Variants in CPN2 observed in about 807,000 individuals in gnomAD.
CPN2 encodes the protein carboxypeptidase N 83 kDa chain.
For missense variants in CPN2, 620 were observed against 671.4 expected (o/e 0.92, Z 0.85); for synonymous variants, 336 against 318.4 (o/e 1.06, Z -0.59).
intron 1 of CPN2, among the ~76,000 whole-genome samples, chr3:194,344,582 C>T (rs1347480028): frequency 6.6e-6 from 1 of 152,200 alleles, no homozygotes. Flanking sequence ...GTAATCCCAG[C>T]TACTCGGGAG....
At chr3:194,344,481 G>T (rs1712979117) in intron 1 of CPN2, among the ~76,000 whole-genome samples, 1 of 152,176 alleles carries the variant, frequency 6.6e-6, no homozygotes, top group South Asian at 2.1e-4. Context: ...TGGATCCTGA[G>T]GTCAGGAGTT....
Position 194,339,789 on chromosome 3 carries a change from T to C in CPN2, c.*1276A>G, listed in dbSNP as rs1712726345. The C allele has an allele frequency of 6.6e-6, 1 of 152,274 alleles. No individual in the cohort carries two copies. The highest frequency in any genetic ancestry group is 1.5e-5 in the Non-Finnish European group (1 of 68,056). 9.4% of individuals were successfully genotyped at this position (152,274 alleles called of 1,614,324 possible). ...GTAAAATATTTGAAGAGATTTATTC[T>C]GAGCCAAATATGAGTGGCCATGGCC... On this transcript the variant is annotated 3_prime_UTR_variant, in exon 2 of 2. Coordinates refer to ENST00000323830, the MANE Select transcript of CPN2 (RefSeq NM_001080513.4).
rs1348222200 is a variant in CPN2, at chr3:194,341,782, G to A, written c.921C>T (p.Gly307=). The change falls in exon 2 of 2, where the codon GGC becomes GGT. Residue 307 remains glycine, a synonymous_variant. Coordinates refer to ENST00000323830, the MANE Select transcript of CPN2 (RefSeq NM_001080513.4). The part of the protein sequence containing the change: ...THNQLETVAE[G]TFAHLSNLRS... ...GCAGGTTGGACAGGTGGGCAAAGGTGCCCTCAGCGACAGTCTCCAGCTGGT... is the reference window on the plus strand; with the variant it reads ...GCAGGTTGGACAGGTGGGCAAAGGTACCCTCAGCGACAGTCTCCAGCTGGT... 1.9e-6 allele frequency: 3 copies of A among 1,614,040 alleles called. No individual in the cohort carries two copies. Among genetic ancestry groups the A allele is most frequent in the South Asian group, 1.1e-5 (1 of 91,066 alleles).
Position 194,342,229 on chromosome 3 carries a change from C to T in CPN2, c.474G>A (p.Gln158=), listed in dbSNP as rs199551996. The T allele has an allele frequency of 1.3e-5, 21 of 1,613,982 alleles. No homozygotes were observed. In the East Asian group the frequency reaches 2.0e-4, roughly 15 times the overall value. Residue 158 remains glutamine (Q), a synonymous_variant, in exon 2 of 2, where the codon CAG becomes CAA. Transcript: ENST00000323830. Reference sequence around the variant, plus strand: ...GCTGGAAGAGCCTCCTGGGCAGGGCCTGGAGCTGGTTCCCCTGCAGGTGGA... The same window carrying T: ...GCTGGAAGAGCCTCCTGGGCAGGGCTTGGAGCTGGTTCCCCTGCAGGTGGA... ...ESLHLQGNQL[Q]ALPRRLFQPL...
rs1321983807 is a variant in CPN2, at chr3:194,340,049, G to A, written c.*1016C>T. ...TGGTTGAGCTTAGCTGAAGACCTGG[G>A]ATCAATGGAAAGGAATGTTCAGGTT... On this transcript the variant is annotated 3_prime_UTR_variant, in exon 2 of 2. Transcript: ENST00000323830. The A allele has an allele frequency of 2.0e-5, 3 of 152,218 alleles. No individual in the cohort carries two copies. The highest frequency in any genetic ancestry group is 2.9e-5 in the Non-Finnish European group (2 of 68,046). 9.4% of individuals were successfully genotyped at this position (152,218 alleles called of 1,614,324 possible). A position where few individuals can be genotyped will look rare whatever the true frequency, so the allele number is the denominator to read the frequency against.
chr3:194,351,045 C>G (rs1305942448), intron 1 of CPN2, among the ~76,000 whole-genome samples, 197 bp downstream of exon 1: 3 of 152,212 alleles, frequency 2.0e-5, no homozygotes, highest in Non-Finnish European at 2.9e-5. Context: ...AACCCCCGCC[C>G]CACCTTCCTC....
intron 1 of CPN2, among the ~76,000 whole-genome samples, chr3:194,348,653 G>T (rs928037813): frequency 6.6e-6 from 1 of 152,150 alleles, no homozygotes; most frequent in Admixed American, 6.6e-5. Flanking sequence ...CACTTTGGGC[G>T]GCAGAGGCAG....
chr3:194,344,037 C>A (rs757610436), intron 1 of CPN2, among the ~76,000 whole-genome samples: 1 of 152,148 alleles, frequency 6.6e-6, no homozygotes, highest in Non-Finnish European at 1.5e-5. Flanking sequence ...AAAAGGGGTC[C>A]GCGAATCGGG....
In CPN2 at chr3:194,341,408, C is replaced by T. The variant is rs780216927; in HGVS notation, c.1295G>A (p.Gly432Asp). 1 of 1,614,148 alleles carries T rather than the reference C, an allele frequency of 6.2e-7. No homozygotes were observed. The highest frequency in any genetic ancestry group is 8.5e-7 in the Non-Finnish European group (1 of 1,180,046). ...CTCATTCAAGGCGGGCACCACCTGGCCTTTGAGGTAGGCAGGGCCAGCGCA... is the reference window on the plus strand; with the variant it reads ...CTCATTCAAGGCGGGCACCACCTGGTCTTTGAGGTAGGCAGGGCCAGCGCA... Reference protein sequence around the residue: ...TYCAGPAYLKGQVVPALNEKQ... With the variant: ...TYCAGPAYLKDQVVPALNEKQ... Residue 432 changes from glycine to aspartate, a missense_variant, in exon 2 of 2, where the codon GGC becomes GAC. Gly to Asp is a moderately conservative substitution (Grantham distance 94, BLOSUM62 -1). Transcript: ENST00000323830.
chr3:194,350,643 A>C (rs1713233157), intron 1 of CPN2, among the ~76,000 whole-genome samples: 2 of 152,156 alleles, frequency 1.3e-5, no homozygotes, highest in South Asian at 2.1e-4. Context: ...ATTTCACCAC[A>C]AACTTTATTA....
chr3:194,348,385 G>T (rs1000653432), intron 1 of CPN2, among the ~76,000 whole-genome samples: 1 of 151,612 alleles, frequency 6.6e-6, no homozygotes, highest in African/African-American at 2.4e-5. Context: ...CAGAGTCCCA[G>T]TCTGCGACTG....
chr3:194,350,713 G>A (rs139067809), intron 1 of CPN2, among the ~76,000 whole-genome samples: 1 of 152,118 alleles, frequency 6.6e-6, no homozygotes, highest in Non-Finnish European at 1.5e-5. Context: ...GGCCTGAGCT[G>A]GGTGCTGTGG....
rs377176546 is a variant in CPN2, at chr3:194,342,560, G to T, written c.143C>A (p.Pro48Gln). The change falls in exon 2 of 2, where the codon CCG becomes CAG. Residue 48 changes from proline (P) to glutamine (Q), a missense_variant. By Grantham distance (76) the Pro-to-Gln change is moderately conservative (BLOSUM62 -1). Coordinates refer to ENST00000323830, the MANE Select transcript of CPN2 (RefSeq NM_001080513.4). ...EELATVPLDIPPYTKNIIFVE... is the reference protein window; with the variant it reads ...EELATVPLDIQPYTKNIIFVE... The stretch of plus-strand genomic sequence containing the variant: ...AAAGATGATGTTTTTCGTATATGGC[G>T]GGATGTCCAGTGGGACGGTGGCAAG... 6.2e-7 allele frequency: 1 copy of T among 1,614,154 alleles called. No homozygotes were observed. Among genetic ancestry groups the T allele is most frequent in the Non-Finnish European group, 8.5e-7 (1 of 1,180,016 alleles).
In CPN2 at chr3:194,341,187, G is replaced by A. The variant is rs1406019927; in HGVS notation, c.1516C>T (p.Leu506Phe). 1.2e-6 allele frequency: 2 copies of A among 1,613,486 alleles called. No individual in the cohort carries two copies. Among genetic ancestry groups the A allele is most frequent in the Admixed American group, 1.7e-5 (1 of 60,018 alleles). The change falls in exon 2 of 2, where the codon CTC becomes TTC. Residue 506 changes from leucine (L) to phenylalanine (F), a missense_variant. By Grantham distance (22) the Leu-to-Phe change is conservative (BLOSUM62 0). Coordinates refer to ENST00000323830, the MANE Select transcript of CPN2 (RefSeq NM_001080513.4). ...CCCAGGGAGCCCTGCTGAGGAGAGA[G>A]CTGGACGTTCAGCCAGCGACACTGG... ...QAQCRWLNVQLSPQQGSLGLQ... is the reference protein window; with the variant it reads ...QAQCRWLNVQFSPQQGSLGLQ...
In CPN2 at chr3:194,341,366, G is replaced by A. The variant is rs1343640766; in HGVS notation, c.1337C>T (p.Pro446Leu). The change falls in exon 2 of 2, where the codon CCC (proline) becomes CTC (leucine). Residue 446 changes from proline (P) to leucine (L), a missense_variant. Transcript: ENST00000323830. ...PALNEKQLVC[P>L]VTRDHLGFQV... is the part of the protein sequence containing the mutation. The stretch of plus-strand genomic sequence containing the variant: ...GAAGCCCAAGTGGTCCCGGGTGACG[G>A]GACACACCAGCTGCTTCTCATTCAA... The A allele has an allele frequency of 5.6e-6, 9 of 1,613,942 alleles. No homozygotes were observed. The highest frequency in any genetic ancestry group is 7.6e-6 in the Non-Finnish European group (9 of 1,180,054).
chr3:194,340,143 G>A lies in CPN2; in HGVS notation c.*922C>T, dbSNP rs1488570193. 6.6e-6 allele frequency: 1 copy of A among 152,192 alleles called. No individual in the cohort carries two copies. The highest frequency in any genetic ancestry group is 1.5e-5 in the Non-Finnish European group (1 of 68,042). The allele number at this position is 152,192 out of a possible 1,614,324, so 9.4% of individuals were successfully genotyped here. A position where few individuals can be genotyped will look rare whatever the true frequency, so the allele number is the denominator to read the frequency against. On this transcript the variant is annotated 3_prime_UTR_variant, in exon 2 of 2. Coordinates refer to ENST00000323830, the MANE Select transcript of CPN2 (RefSeq NM_001080513.4). ...GCTCTCAGCAGACTTCAGAGAGAGA[G>A]AGAGCAGGTTGTAAACTGTTTCTTA... is the stretch of plus-strand genomic sequence containing the variant.
chr3:194,344,206 T>G (rs1411518838), intron 1 of CPN2, among the ~76,000 whole-genome samples: 1 of 152,190 alleles, frequency 6.6e-6, no homozygotes, highest in Non-Finnish European at 1.5e-5. Flanking sequence ...GGAGCCCCCT[T>G]GACTCTCCCG....
rs142865228 is a variant in CPN2, at chr3:194,347,583, C to T, written c.-4+3659G>A. Among the ~76,000 whole-genome samples, 18 of 152,366 alleles carry T rather than the reference C, an allele frequency of 1.2e-4. No individual in the cohort carries two copies. The South Asian group carries it at 1.4e-3, about 12-fold the overall frequency. ...AGCAACGTAAGTCCAGTGGCTGAGA[C>T]GGTCAGGTTTGCACTGGGTTCTAGC... On this transcript the variant is annotated intron_variant, in intron 1 of 1. Coordinates refer to ENST00000323830, the MANE Select transcript of CPN2 (RefSeq NM_001080513.4).
intron 1 of CPN2, among the ~76,000 whole-genome samples, chr3:194,346,891 C>T (rs1466556684): frequency 2.0e-5 from 3 of 152,212 alleles, no homozygotes; most frequent in Non-Finnish European, 4.4e-5. Flanking sequence ...CTCCACAGCA[C>T]TCCTTCTAGC....
Sources: gnomAD v4.1 joint callset for allele counts (sites outside exome capture counted in the v4.1 genomes callset) on GRCh38, gnomAD v4.1.1 for gene constraint, MANE v1.5 for transcripts, NCBI Gene and HGNC (gene_info 2026-07-23, HGNC 2026-07-21) for gene names.